The following MAD1L1 variants were observed in gnomAD, a reference collection of about 807,000 sequenced individuals.
MAD1L1 encodes the protein mitotic arrest deficient 1 like 1, also known as mitotic spindle assembly checkpoint protein MAD1.
Under a neutral mutation model 96.9 loss-of-function variants are expected in MAD1L1, and 95 were observed. That is an observed-to-expected ratio of 0.98 (90% CI 0.83 to 1.16). The LOEUF is 1.16. MAD1L1 is among the 50% of genes most tolerant of loss of function. MAD1L1 has a pLI of 0.00. For synonymous variants in MAD1L1, 473 were observed against 396.6 expected (o/e 1.19, Z -2.29); for missense variants, 1,007 against 954.4 (o/e 1.06, Z -0.73).
At chr7:2,230,170 CA>C (rs1267717474) in intron 2 of MAD1L1, 27 bp from the exon 3 acceptor site, 9 of 1,558,386 alleles carry the variant, frequency 5.8e-6, no homozygotes, top group Admixed American at 1.9e-5. Context: ...AAGGACTGGT[CA>C]GGGGCAGCCT....
chr7:1,956,589 C>A (rs1779737982), intron 16 of MAD1L1, among the ~76,000 whole-genome samples: 1 of 152,230 alleles, frequency 6.6e-6, no homozygotes, highest in Non-Finnish European at 1.5e-5. Context: ...GGCAGAGCCC[C>A]CACCCCTCCA....
chr7:2,100,907 C>G (rs868071729), intron 11 of MAD1L1, among the ~76,000 whole-genome samples: 1 of 152,234 alleles, frequency 6.6e-6, no homozygotes, highest in South Asian at 2.1e-4. Context: ...CCCCCCACCT[C>G]CACTCTGCAG....
intron 10 of MAD1L1, among the ~76,000 whole-genome samples, chr7:2,200,788 G>A (rs907212961): frequency 6.6e-6 from 1 of 152,332 alleles, no homozygotes; most frequent in South Asian, 2.1e-4. Flanking sequence ...AGCGTGCAAA[G>A]GCTGGTCCAC....
At chr7:2,174,292 G>A (rs1051414343) in intron 10 of MAD1L1, among the ~76,000 whole-genome samples, 4 of 152,236 alleles carry the variant, frequency 2.6e-5, no homozygotes, top group Non-Finnish European at 5.9e-5. Context: ...CTGTCTAGAA[G>A]CACAAAGCCA....
At chr7:2,081,153 C>T (rs954497619) in intron 11 of MAD1L1, among the ~76,000 whole-genome samples, 11 of 139,038 alleles carry the variant, frequency 7.9e-5, no homozygotes, top group African/African-American at 3.0e-4. Context: ...GCAGAGCCAG[C>T]GGGAAGGGTG....
intron 12 of MAD1L1, among the ~76,000 whole-genome samples, chr7:2,015,429 T>C (rs1433877710): frequency 1.3e-5 from 2 of 152,196 alleles, no homozygotes; most frequent in Non-Finnish European, 2.9e-5. Flanking sequence ...CAGAAACCCC[T>C]GCTCAGTTGT....
chr7:1,864,234 C>G (rs1698298720), intron 18 of MAD1L1, among the ~76,000 whole-genome samples: 1 of 152,178 alleles, frequency 6.6e-6, no homozygotes. Flanking sequence ...ACTTGTGTTG[C>G]TAGCAGAGAC....
At chr7:1,979,847 C>G (rs550511636) in intron 15 of MAD1L1, among the ~76,000 whole-genome samples, 1 of 152,348 alleles carries the variant, frequency 6.6e-6, no homozygotes, top group South Asian at 2.1e-4. Context: ...CGGCTGCAGA[C>G]CCGGCTCCAG....
intron 11 of MAD1L1, among the ~76,000 whole-genome samples, chr7:2,140,623 C>A (rs1156343315): frequency 6.6e-6 from 1 of 152,218 alleles, no homozygotes; most frequent in Non-Finnish European, 1.5e-5. Context: ...GGCCCCGCAT[C>A]CCAGCACGAG....
Position 2,146,762 on chromosome 7 carries a change from G to A in MAD1L1, c.1073+2390C>T, listed in dbSNP as rs185553749. Reference sequence around the variant, plus strand: ...TCTTCTGCCATGCCGCCTCCTTCACGCTCATCTGAATTTCTGTCCAACTGC... The same window carrying A: ...TCTTCTGCCATGCCGCCTCCTTCACACTCATCTGAATTTCTGTCCAACTGC... On this transcript the variant is annotated intron_variant, in intron 11 of 18. Transcript: ENST00000265854. This position sits in a 1 kb window ranked among gnomAD's most constrained non-coding sequence, Gnocchi z 6.2. Among the ~76,000 whole-genome samples, 5 of 152,288 alleles carry A rather than the reference G, an allele frequency of 3.3e-5. No homozygotes were observed. The highest frequency in any genetic ancestry group is 4.8e-5 in the African/African-American group (2 of 41,552).
At chr7:1,894,453 A>G (rs1442326490) in intron 18 of MAD1L1, among the ~76,000 whole-genome samples, 2 of 152,182 alleles carry the variant, frequency 1.3e-5, no homozygotes, top group African/African-American at 2.4e-5. Context: ...ACCAGCCAAC[A>G]GGGATCCCGG....
intron 18 of MAD1L1, among the ~76,000 whole-genome samples, chr7:1,889,734 C>T (rs1407648948): frequency 6.6e-6 from 1 of 152,290 alleles, no homozygotes; most frequent in East Asian, 1.9e-4. Context: ...CTCTGCAGGC[C>T]GGATGCTGCT....
At position 1,968,076 on chromosome 7, in the gene MAD1L1, C is replaced by T. The variant is rs1385349406; in HGVS notation, c.1506-10357G>A. Among the ~76,000 whole-genome samples, 1 of 152,242 alleles carries T rather than the reference C, an allele frequency of 6.6e-6. No homozygotes were observed. The highest frequency in any genetic ancestry group is 1.5e-5 in the Non-Finnish European group (1 of 68,042). On this transcript the variant is annotated intron_variant, in intron 15 of 18. Transcript: ENST00000265854. This position sits in a 1 kb window ranked among gnomAD's most constrained non-coding sequence, Gnocchi z 5.6. ...CTCCCTCACAGAACTCCACATCATA[C>T]ATGTAGAACTCATCCCTCCAGAGGG...
chr7:2,087,349 G>A (rs1335060900), intron 11 of MAD1L1, among the ~76,000 whole-genome samples: 1 of 152,162 alleles, frequency 6.6e-6, no homozygotes, highest in African/African-American at 2.4e-5. Flanking sequence ...AGACCAGCCT[G>A]ACCAACATGG....
intron 14 of MAD1L1, among the ~76,000 whole-genome samples, chr7:1,999,770 C>G (rs969120718): frequency 1.3e-5 from 2 of 152,250 alleles, no homozygotes; most frequent in Non-Finnish European, 2.9e-5. Context: ...CAGCCCCTGA[C>G]CAGGCCCTTC....
chr7:2,000,724 G>A (rs760390965), intron 14 of MAD1L1, among the ~76,000 whole-genome samples: 3 of 152,200 alleles, frequency 2.0e-5, no homozygotes, highest in African/African-American at 4.8e-5. Flanking sequence ...GCTGGCTGCC[G>A]CGTCCCCAGC....
At chr7:1,862,179 C>T (rs1391490380) in intron 18 of MAD1L1, among the ~76,000 whole-genome samples, 1 of 152,216 alleles carries the variant, frequency 6.6e-6, no homozygotes, top group East Asian at 1.9e-4. Context: ...CCTCGGTGCT[C>T]TGGACTTCGG....
intron 18 of MAD1L1, among the ~76,000 whole-genome samples, chr7:1,818,088 G>A (rs762203521): frequency 1.3e-5 from 2 of 152,044 alleles, no homozygotes; most frequent in Non-Finnish European, 2.9e-5. Flanking sequence ...CTGACCTTTC[G>A]CTGAGAAAAT....
chr7:2,064,324 G>C (rs1211035435), intron 12 of MAD1L1, among the ~76,000 whole-genome samples: 1 of 152,182 alleles, frequency 6.6e-6, no homozygotes, highest in Admixed American at 6.5e-5. Context: ...CCCAAGAAGA[G>C]AGGAGGCCCT....
Sources: gnomAD v4.1 joint callset for allele counts (sites outside exome capture counted in the v4.1 genomes callset) on GRCh38, gnomAD v4.1.1 for gene constraint, Gnocchi (gnomAD v3.1) non-coding constraint, MANE v1.5 for transcripts, NCBI Gene and HGNC (gene_info 2026-07-23, HGNC 2026-07-21) for gene names.